Variants in GPR158 observed in about 807,000 individuals in gnomAD.
The protein encoded by GPR158 is metabotropic glycine receptor.
In GPR158, 30 loss-of-function variants were observed where a neutral mutation model predicts 78.2. The ratio of observed to expected loss-of-function variants is 0.38; its 90% CI spans 0.29 to 0.52. GPR158 has a LOEUF of 0.52. Ranked by LOEUF, GPR158 falls within the 20% of genes least tolerant of loss-of-function variation. The pLI, the probability that GPR158 is intolerant of heterozygous loss-of-function variation, is 0.83. For missense variants in GPR158, 1,463 were observed against 1,523.5 expected (o/e 0.96, Z 0.66); for synonymous variants, 581 against 591.1 (o/e 0.98, Z 0.25).
intron 4 of GPR158, among the ~76,000 whole-genome samples, chr10:25,454,541 A>C (rs1835266069): frequency 6.6e-6 from 1 of 152,188 alleles, no homozygotes; most frequent in African/African-American, 2.4e-5. Context: ...CGAAGCTATT[A>C]GTTGTCTGAA....
rs547196451 is a variant in GPR158 at position 25,250,930 on chromosome 10, A to G, written c.1008+29773A>G. Among the ~76,000 whole-genome samples the G allele has an allele frequency of 2.0e-4, 31 of 151,362 alleles. No individual in the cohort carries two copies. In the East Asian group the frequency reaches 6.0e-3, roughly 29 times the overall value. ...CAGTGGGGTGTTAAAGTCTCCCATT[A>G]TTATTGTGTGGGCGTCTAAGTCTCT... On this transcript the variant is annotated intron_variant, in intron 2 of 10. Transcript: ENST00000376351.
intron 2 of GPR158, among the ~76,000 whole-genome samples, chr10:25,340,789 TG>T (rs1244379212): frequency 1.3e-5 from 2 of 151,898 alleles, no homozygotes; most frequent in Admixed American, 6.6e-5. Context: ...GAGCAGAGAA[TG>T]AAACAAAACC....
intron 7 of GPR158, among the ~76,000 whole-genome samples, chr10:25,588,190 C>G (rs996755875): frequency 6.6e-6 from 1 of 152,184 alleles, no homozygotes; most frequent in Non-Finnish European, 1.5e-5. Context: ...TTAATTAGCA[C>G]ATAATCACAT....
intron 2 of GPR158, among the ~76,000 whole-genome samples, chr10:25,234,196 A>ACT (rs1242388024): frequency 6.6e-6 from 1 of 151,512 alleles, no homozygotes; most frequent in South Asian, 2.1e-4. Flanking sequence ...TGGTTTCTGG[A>ACT]CTCTCTCTCT....
chr10:25,564,627 A>G lies in GPR158; in HGVS notation c.1515-8022A>G, dbSNP rs528162525. 4.6e-5 allele frequency among the ~76,000 whole-genome samples: 7 copies of G among 152,310 alleles called. No homozygotes were observed. In the East Asian group the frequency reaches 1.4e-3, roughly 29 times the overall value. On this transcript the variant is annotated intron_variant, in intron 6 of 10. Transcript: ENST00000376351. ...CAGCAGTTCTTTGAAAATAAGGTCC[A>G]TTGTGCTCCTCTAGTACTAGGTACG...
At chr10:25,278,200 G>A (rs989478228) in intron 2 of GPR158, among the ~76,000 whole-genome samples, 16 of 152,122 alleles carry the variant, frequency 1.1e-4, no homozygotes, top group African/African-American at 3.1e-4. Context: ...AAAAAATAGA[G>A]ATGGCAAGAA....
intron 2 of GPR158, among the ~76,000 whole-genome samples, chr10:25,330,873 A>G (rs576657075): frequency 6.6e-6 from 1 of 152,198 alleles, no homozygotes. Context: ...TTGTTCCTAT[A>G]TATTGAATGC....
chr10:25,304,111 G>T (rs935239109), intron 2 of GPR158, among the ~76,000 whole-genome samples: 2 of 151,672 alleles, frequency 1.3e-5, no homozygotes, highest in African/African-American at 4.8e-5. Flanking sequence ...AAAGGGTATG[G>T]TTGTTTTTTC....
At chr10:25,191,329 G>A (rs1430815929) in intron 1 of GPR158, among the ~76,000 whole-genome samples, 2 of 152,186 alleles carry the variant, frequency 1.3e-5, no homozygotes. Flanking sequence ...CGAACTTGCA[G>A]TTTAATAACA....
intron 5 of GPR158, among the ~76,000 whole-genome samples, chr10:25,479,675 A>G (rs1835637184): frequency 6.6e-6 from 1 of 152,096 alleles, no homozygotes. Context: ...TTGGCCTCTC[A>G]TAGTGCTGGG....
intron 2 of GPR158, among the ~76,000 whole-genome samples, chr10:25,285,093 T>C (rs917194691): frequency 3.3e-5 from 5 of 151,950 alleles, no homozygotes; most frequent in Admixed American, 1.3e-4. Flanking sequence ...TGTGTGTGTA[T>C]GCATGTGCAT....
chr10:25,586,688 C>T lies in GPR158; in HGVS notation c.1754-2319C>T, dbSNP rs532577142. Reference sequence around the variant, plus strand: ...TCAGCCTCTCAAAGTGCTGGGATTACAGGTGTGAGCCACCGTGCCCGGCCC... The same window carrying T: ...TCAGCCTCTCAAAGTGCTGGGATTATAGGTGTGAGCCACCGTGCCCGGCCC... On this transcript the variant is annotated intron_variant, in intron 7 of 10. Transcript: ENST00000376351. Among the ~76,000 whole-genome samples, 3 of 152,272 alleles carry T rather than the reference C, an allele frequency of 2.0e-5. No individual in the cohort carries two copies. The South Asian group carries it at 6.2e-4, about 32-fold the overall frequency.
intron 4 of GPR158, among the ~76,000 whole-genome samples, chr10:25,429,026 C>A (rs748475512): frequency 2.0e-5 from 3 of 151,966 alleles, no homozygotes; most frequent in Non-Finnish European, 2.9e-5. Flanking sequence ...GCCAATGGAA[C>A]TGTTCTGTTT....
intron 2 of GPR158, among the ~76,000 whole-genome samples, chr10:25,276,748 A>C (rs921326218): frequency 1.8e-4 from 27 of 152,146 alleles, no homozygotes; most frequent in Non-Finnish European, 4.4e-5. Context: ...ATCAAGAAAA[A>C]TGCTTTTTCT....
At chr10:25,344,622 C>T (rs1855348236) in intron 2 of GPR158, among the ~76,000 whole-genome samples, 2 of 151,948 alleles carry the variant, frequency 1.3e-5, no homozygotes, top group African/African-American at 2.4e-5. Context: ...AAACATGATG[C>T]ATTTGCACCA....
At chr10:25,480,072 T>TCTTTGTTTTTCTTATCTCTTC (rs1835645085) in intron 5 of GPR158, among the ~76,000 whole-genome samples, 1 of 152,208 alleles carries the variant, frequency 6.6e-6, no homozygotes, top group Admixed American at 6.5e-5. Context: ...TTTATCTCTT[T>TCTTTGTTTTTCTTATCTCTTC]CTTTGTTTTT....
At chr10:25,521,246 T>C (rs1836268188) in intron 5 of GPR158, among the ~76,000 whole-genome samples, 1 of 152,210 alleles carries the variant, frequency 6.6e-6, no homozygotes, top group African/African-American at 2.4e-5. Flanking sequence ...ACGCACCCAC[T>C]GGCCTGCGCC....
intron 2 of GPR158, among the ~76,000 whole-genome samples, chr10:25,234,962 T>G (rs1251308076): frequency 6.6e-6 from 1 of 152,016 alleles, no homozygotes; most frequent in South Asian, 2.1e-4. Context: ...TTTTTGTTCC[T>G]TTGTTGAAAT....
intron 1 of GPR158, among the ~76,000 whole-genome samples, chr10:25,192,975 A>G (rs1286079979): frequency 6.6e-6 from 1 of 152,212 alleles, no homozygotes. Context: ...ATGGTAGGCT[A>G]GGTTAAAGCA....
Sources: gnomAD v4.1 joint callset for allele counts (sites outside exome capture counted in the v4.1 genomes callset) on GRCh38, gnomAD v4.1.1 for gene constraint, MANE v1.5 for transcripts, NCBI Gene and HGNC (gene_info 2026-07-23, HGNC 2026-07-21) for gene names.